The following UBR1 variants were observed in gnomAD, a reference collection of about 807,000 sequenced individuals.
UBR1 encodes E3 ubiquitin-protein ligase UBR1.
A neutral mutation model predicts 242.1 loss-of-function variants in UBR1; 102 were observed. The observed-to-expected ratio is 0.42, with a 90% CI of 0.36 to 0.50. The LOEUF is 0.50. Ranked by LOEUF, UBR1 falls within the 20% of genes least tolerant of loss-of-function variation. UBR1 has a pLI of 0.01. For synonymous variants in UBR1, 675 were observed against 684.8 expected (o/e 0.99, Z 0.22); for missense variants, 1,772 against 2,101.8 (o/e 0.84, Z 3.07).
rs1319464721 is a variant in UBR1, at chr15:42,984,946, A to C, written c.3998-4T>G. ...CCTTCATCTCCCAATAGATTTTCTC[A>C]AAGAATAAAAAAAAATAAAAATAAT... On this transcript the variant is annotated splice_polypyrimidine_tract_variant and splice_region_variant and intron_variant, in intron 35 of 46. Coordinates refer to ENST00000290650, the MANE Select transcript of UBR1 (RefSeq NM_174916.3). 4 of 1,599,724 alleles carry C rather than the reference A, an allele frequency of 2.5e-6. No individual in the cohort carries two copies. The highest frequency in any genetic ancestry group is 3.4e-6 in the Non-Finnish European group (4 of 1,168,634).
chr15:43,093,379 G>A (rs983713665), intron 1 of UBR1, among the ~76,000 whole-genome samples: 1 of 152,110 alleles, frequency 6.6e-6, no homozygotes, highest in African/African-American at 2.4e-5. Flanking sequence ...ACCTGGAGGC[G>A]CTACCATTTT....
intron 1 of UBR1, among the ~76,000 whole-genome samples, chr15:43,101,448 G>A (rs16957422): frequency 0.24 from 36,740 of 151,992 alleles, 5,326 homozygotes; most frequent in African/African-American, 0.4. Context: ...CTATGATGGA[G>A]GTGCTGTCTA....
In UBR1 at chr15:42,977,852, G is replaced by A. The variant is rs2032314425; in HGVS notation, c.4218+28C>T. The A allele has an allele frequency of 1.0e-5, 16 of 1,563,860 alleles. No individual in the cohort carries two copies. The East Asian group carries it at 3.6e-4, about 35-fold the overall frequency. ...AATACAAGAAATTATCAACATGAGT[G>A]ACTTAAACAAAATTACTGAACACTT... is the stretch of plus-strand genomic sequence containing the variant. On this transcript the variant is annotated intron_variant, in intron 38 of 46. Transcript: ENST00000290650.
chr15:42,986,852 G>A (rs1222253678), intron 35 of UBR1, among the ~76,000 whole-genome samples: 2 of 152,174 alleles, frequency 1.3e-5, no homozygotes, highest in South Asian at 4.1e-4. Flanking sequence ...AAAGGGTCCC[G>A]GCCAGAGGGC....
At chr15:43,080,058 C>T (rs1020835545) in intron 3 of UBR1, among the ~76,000 whole-genome samples, 1 of 152,204 alleles carries the variant, frequency 6.6e-6, no homozygotes, top group African/African-American at 2.4e-5. Flanking sequence ...AGCAAACTTT[C>T]TGTGTAAGGA....
intron 34 of UBR1, among the ~76,000 whole-genome samples, chr15:42,989,248 A>C (rs2032520180): frequency 6.6e-6 from 1 of 152,232 alleles, no homozygotes. Flanking sequence ...GCTCACAGCT[A>C]GAAGGGGTTC....
intron 2 of UBR1, 126 bp downstream of exon 2, chr15:43,085,858 G>A (rs2034029116): frequency 4.8e-6 from 5 of 1,035,472 alleles, no homozygotes; most frequent in Non-Finnish European, 6.8e-6. Context: ...AGAGGTTGCA[G>A]TGACGTGACC....
chr15:43,039,769 G>T (rs1049643022), intron 15 of UBR1, among the ~76,000 whole-genome samples: 1 of 152,152 alleles, frequency 6.6e-6, no homozygotes, highest in Non-Finnish European at 1.5e-5. Flanking sequence ...TTTTCAAAGG[G>T]AATGCTTCCA....
At chr15:43,007,314 C>T in intron 29 of UBR1, 30 bp from the exon 30 acceptor site, 1 of 1,609,236 alleles carries the variant, frequency 6.2e-7, no homozygotes, top group Non-Finnish European at 8.5e-7. Flanking sequence ...GAAATGAGGA[C>T]ACATGTTTTG....
chr15:43,007,442 T>C (rs2032850246), intron 29 of UBR1, among the ~76,000 whole-genome samples, 158 bp from the exon 30 acceptor site: 1 of 152,174 alleles, frequency 6.6e-6, no homozygotes. Context: ...CCCCTTTCCT[T>C]TGTGGCTTTT....
At chr15:42,983,330 G>A (rs1338358919) in intron 37 of UBR1, among the ~76,000 whole-genome samples, 1 of 151,980 alleles carries the variant, frequency 6.6e-6, no homozygotes, top group Non-Finnish European at 1.5e-5. Context: ...AGAAACATAA[G>A]TTGAAAATAT....
intron 46 of UBR1, among the ~76,000 whole-genome samples, chr15:42,946,511 A>G (rs969233265): frequency 1.3e-5 from 2 of 152,220 alleles, no homozygotes; most frequent in Non-Finnish European, 2.9e-5. Context: ...GTCATTAACT[A>G]CTTTCACCAC....
At chr15:43,016,667 C>G (rs1057508540) in intron 28 of UBR1, among the ~76,000 whole-genome samples, 1 of 152,170 alleles carries the variant, frequency 6.6e-6, no homozygotes, top group Admixed American at 6.5e-5. Context: ...ACCTCCGCCT[C>G]CTGGGTTCAA....
At chr15:43,100,729 G>A (rs543598323) in intron 1 of UBR1, among the ~76,000 whole-genome samples, 1 of 152,306 alleles carries the variant, frequency 6.6e-6, no homozygotes, top group African/African-American at 2.4e-5. Context: ...CAGCTACTCA[G>A]GAGGCTGAGG....
rs146998974 is a variant in UBR1, at chr15:42,988,524, C to A, written c.3997+295G>T. 8 of 378,968 alleles carry A rather than the reference C, an allele frequency of 2.1e-5. No individual in the cohort carries two copies. The East Asian group carries it at 4.2e-4, about 20-fold the overall frequency. 23.5% of individuals were successfully genotyped at this position (378,968 alleles called of 1,614,324 possible). A position where few individuals can be genotyped will look rare whatever the true frequency, so the allele number is the denominator to read the frequency against. ...TCTCAAACTCCTGCTCTCAAGTTATCCTCCCACCTCAGCCTCCCAAAGCTC... is the reference window on the plus strand; with the variant it reads ...TCTCAAACTCCTGCTCTCAAGTTATACTCCCACCTCAGCCTCCCAAAGCTC... On this transcript the variant is annotated intron_variant, in intron 35 of 46. Transcript: ENST00000290650.
chr15:42,999,591 G>A (rs992192850), intron 32 of UBR1, among the ~76,000 whole-genome samples: 2 of 152,214 alleles, frequency 1.3e-5, no homozygotes, highest in African/African-American at 4.8e-5. Context: ...ACTTTGAGAG[G>A]CTGAGGTGAG....
At chr15:42,959,429 T>C (rs1209564848) in intron 43 of UBR1, among the ~76,000 whole-genome samples, 2 of 152,216 alleles carry the variant, frequency 1.3e-5, no homozygotes, top group Non-Finnish European at 2.9e-5. Context: ...TAACAATCTT[T>C]TCCTCTTTAA....
At chr15:43,052,095 C>A (rs1249741418) in intron 12 of UBR1, among the ~76,000 whole-genome samples, 1 of 152,156 alleles carries the variant, frequency 6.6e-6, no homozygotes, top group Non-Finnish European at 1.5e-5. Flanking sequence ...AGAGAGGTAG[C>A]AATCCCTCCC....
At position 43,002,781 on chromosome 15, in the gene UBR1, C is replaced by T. The variant is rs2032746589; in HGVS notation, c.3510-77G>A. ...CATGTGTATCTCTACTTGCTCTAAT[C>T]CAAGTTTTAAAAATCTGGAATTTTT... is the stretch of plus-strand genomic sequence containing the variant. On this transcript the variant is annotated intron_variant, in intron 31 of 46. Coordinates refer to ENST00000290650, the MANE Select transcript of UBR1 (RefSeq NM_174916.3). 2.5e-6 allele frequency: 4 copies of T among 1,594,894 alleles called. No individual in the cohort carries two copies. In the South Asian group the frequency reaches 3.4e-5, roughly 13 times the overall value.
Sources: allele counts gnomAD v4.1 joint callset (sites outside exome capture counted in the v4.1 genomes callset), GRCh38; gene constraint gnomAD v4.1.1; transcripts MANE v1.5; gene names NCBI Gene and HGNC (gene_info 2026-07-23, HGNC 2026-07-21).